The following PTPRO variants were observed in gnomAD, a reference collection of about 807,000 sequenced individuals.
PTPRO encodes protein tyrosine phosphatase receptor type O.
PTPRO carries 62 observed loss-of-function variants against 145.2 expected under a neutral mutation model. The observed-to-expected ratio is 0.43, with a 90% CI of 0.35 to 0.53. The LOEUF is 0.53. Ranked by LOEUF, PTPRO falls within the 20% of genes least tolerant of loss-of-function variation. PTPRO has a pLI of 0.01. For synonymous variants in PTPRO, 565 were observed against 514.7 expected, an observed-to-expected ratio of 1.10 and a Z score of -1.32; for missense variants, 1,345 against 1,482.7, an observed-to-expected ratio of 0.91 and a Z score of 1.53.
intron 17 of PTPRO, among the ~76,000 whole-genome samples, chr12:15,562,357 G>A (rs183882161): frequency 1.4e-4 from 22 of 152,156 alleles, no homozygotes; most frequent in Admixed American, 1.4e-3. Context: ...TGATGTGTTT[G>A]TCTTCATATT....
chr12:15,352,693 TTC>T (rs1937850782), intron 1 of PTPRO, among the ~76,000 whole-genome samples: 1 of 150,468 alleles, frequency 6.6e-6, no homozygotes, highest in Non-Finnish European at 1.5e-5. Flanking sequence ...AATGGGAAAG[TTC>T]TAGGGAAATG....
intron 1 of PTPRO, among the ~76,000 whole-genome samples, chr12:15,415,618 C>T (rs879035266): frequency 2.6e-5 from 4 of 151,714 alleles, no homozygotes; most frequent in Admixed American, 6.5e-5. Context: ...ATCTCCCGAC[C>T]TTGTGATCCG....
At chr12:15,448,016 A>G (rs1380111764) in intron 1 of PTPRO, among the ~76,000 whole-genome samples, 2 of 152,146 alleles carry the variant, frequency 1.3e-5, no homozygotes, top group Admixed American at 1.3e-4. Context: ...AGTGATTTCC[A>G]TTTTCAAATA....
intron 1 of PTPRO, among the ~76,000 whole-genome samples, chr12:15,396,447 A>T (rs973723514): frequency 1.3e-5 from 2 of 151,728 alleles, no homozygotes; most frequent in East Asian, 1.9e-4. Context: ...AAATTACAAA[A>T]AAAATTAAAT....
intron 12 of PTPRO, among the ~76,000 whole-genome samples, chr12:15,540,472 T>C (rs182067912): frequency 2.0e-5 from 3 of 152,380 alleles, no homozygotes; most frequent in Admixed American, 6.5e-5. Flanking sequence ...TTATTACCAA[T>C]GTTGCACATT....
At chr12:15,375,601 CA>C (rs1486929433) in intron 1 of PTPRO, among the ~76,000 whole-genome samples, 13 of 151,568 alleles carry the variant, frequency 8.6e-5, no homozygotes, top group African/African-American at 2.9e-4. Flanking sequence ...ACTAAAAATA[CA>C]AAAATTAGCC....
At chr12:15,330,213 G>C (rs923701991) in intron 1 of PTPRO, among the ~76,000 whole-genome samples, 1 of 152,208 alleles carries the variant, frequency 6.6e-6, no homozygotes, top group Non-Finnish European at 1.5e-5. Context: ...ACTAGTAGCA[G>C]GTTGTTGAAA....
chr12:15,398,264 G>A (rs1301606103), intron 1 of PTPRO, among the ~76,000 whole-genome samples: 2 of 152,124 alleles, frequency 1.3e-5, no homozygotes, highest in Non-Finnish European at 2.9e-5. Flanking sequence ...TTGAATGTTC[G>A]AAACAATCTC....
chr12:15,455,222 T>C (rs1941144858), intron 1 of PTPRO, among the ~76,000 whole-genome samples: 1 of 152,172 alleles, frequency 6.6e-6, no homozygotes, highest in Non-Finnish European at 1.5e-5. Context: ...CACTTATACC[T>C]GCTTAACTGC....
intron 1 of PTPRO, among the ~76,000 whole-genome samples, chr12:15,365,034 T>A (rs1938319772): frequency 6.6e-6 from 1 of 152,232 alleles, no homozygotes; most frequent in Non-Finnish European, 1.5e-5. Flanking sequence ...TGACTCATTT[T>A]TCTTTTCACA....
At chr12:15,578,440 A>T (rs1944234427) in intron 19 of PTPRO, among the ~76,000 whole-genome samples, 1 of 152,204 alleles carries the variant, frequency 6.6e-6, no homozygotes, top group Non-Finnish European at 1.5e-5. Flanking sequence ...AATGCTGTAT[A>T]AGAAACAACC....
chr12:15,489,509 A>T (rs1433325552), intron 2 of PTPRO, among the ~76,000 whole-genome samples: 1 of 152,146 alleles, frequency 6.6e-6, no homozygotes, highest in Non-Finnish European at 1.5e-5. Flanking sequence ...GACCATATAG[A>T]GTAACTTCCT....
At chr12:15,340,880 A>G (rs1866957916) in intron 1 of PTPRO, among the ~76,000 whole-genome samples, 1 of 152,200 alleles carries the variant, frequency 6.6e-6, no homozygotes, top group Admixed American at 6.5e-5. Flanking sequence ...CCTTTTGATT[A>G]CATTAGATTT....
At chr12:15,340,438 C>A (rs919743327) in intron 1 of PTPRO, among the ~76,000 whole-genome samples, 1 of 152,206 alleles carries the variant, frequency 6.6e-6, no homozygotes, top group Non-Finnish European at 1.5e-5. Context: ...CTCCTGGAGA[C>A]AGCTGATTCC....
At chr12:15,577,231 G>A (rs1388499757) in intron 19 of PTPRO, among the ~76,000 whole-genome samples, 1 of 152,184 alleles carries the variant, frequency 6.6e-6, no homozygotes, top group East Asian at 1.9e-4. Context: ...TTGTCATCTT[G>A]AAAAGCCAAA....
rs77122528 is a variant in PTPRO at position 15,397,018 on chromosome 12, AT to A, written c.75+74225del. On this transcript the variant is annotated intron_variant, in intron 1 of 26. Coordinates refer to ENST00000281171, the MANE Select transcript of PTPRO (RefSeq NM_030667.3). ...AAGCTTAGCTTTAGCATGAGTTGGA[AT>A]TTTTTTTCTTTTCTTATAATGCGCC... Among the ~76,000 whole-genome samples the A allele has an allele frequency of 2.0e-5, 3 of 151,934 alleles. No homozygotes were observed. In the East Asian group the frequency reaches 5.8e-4, roughly 29 times the overall value.
chr12:15,513,104 AAAGAAAGGAAGGAAGG>A (rs1392105147), intron 7 of PTPRO, among the ~76,000 whole-genome samples: 2 of 15,652 alleles, frequency 1.3e-4, no homozygotes, highest in South Asian at 4.1e-3. Context: ...AGAAAGAAAG[AAAGAAAGGAAGGAAGG>A]AAGGAAGGAA....
intron 1 of PTPRO, among the ~76,000 whole-genome samples, chr12:15,457,273 C>T (rs1941201602): frequency 6.6e-6 from 1 of 152,196 alleles, no homozygotes; most frequent in Non-Finnish European, 1.5e-5. Flanking sequence ...TTCTTTTCTC[C>T]CCAGCTCACA....
At chr12:15,547,808 GA>G (rs1368150343) in intron 13 of PTPRO, among the ~76,000 whole-genome samples, 1 of 152,102 alleles carries the variant, frequency 6.6e-6, no homozygotes, top group Non-Finnish European at 1.5e-5. Flanking sequence ...TTCTTTTATA[GA>G]ATAGTGAAAG....
Sources: allele counts gnomAD v4.1 joint callset (sites outside exome capture counted in the v4.1 genomes callset), GRCh38; gene constraint gnomAD v4.1.1; transcripts MANE v1.5; gene names NCBI Gene and HGNC (gene_info 2026-07-23, HGNC 2026-07-21).